The following PALM2AKAP2 variants were observed in gnomAD, a reference collection of about 807,000 sequenced individuals.
PALM2AKAP2 encodes the protein PALM2 and AKAP2 fusion, also known as PALM2-AKAP2 fusion protein.
A neutral mutation model predicts 71.5 loss-of-function variants in PALM2AKAP2; 37 were observed. The ratio of observed to expected loss-of-function variants is 0.52; its 90% CI spans 0.40 to 0.68. The LOEUF (loss-of-function observed/expected upper bound fraction) is 0.68. PALM2AKAP2 is among the 30% of genes least tolerant of loss of function. The probability of loss-of-function intolerance (pLI) is 0.00; values close to 1 mark genes in which losing one functional copy is unlikely to be tolerated. For synonymous variants in PALM2AKAP2, 468 were observed against 478.8 expected (o/e 0.98, Z 0.29); for missense variants, 1,224 against 1,191.8 (o/e 1.03, Z -0.40).
chr9:109,753,970 T>A (rs1241788114), intron 1 of PALM2AKAP2, among the ~76,000 whole-genome samples: 1 of 152,182 alleles, frequency 6.6e-6, no homozygotes, highest in African/African-American at 2.4e-5. Context: ...ATAACTACTG[T>A]CAACACCTTG....
chr9:110,168,397 A>G lies in PALM2AKAP2; in HGVS notation c.2749-2A>G. On this transcript the variant is annotated splice_acceptor_variant, in intron 3 of 3. Transcript: ENST00000374525. LOFTEE classifies it high-confidence loss of function. ...GCATAATTTTTTCCCCTCTCTTTAC[A>G]GGTCCTCGAGGCCACACGGGTTAAT... 6.2e-7 allele frequency: 1 copy of G among 1,613,846 alleles called. No homozygotes were observed.
intron 2 of PALM2AKAP2, among the ~76,000 whole-genome samples, chr9:110,152,106 G>A (rs531277747): frequency 6.6e-6 from 1 of 152,192 alleles, no homozygotes; most frequent in East Asian, 1.9e-4. Context: ...GCATAGTGGT[G>A]GGTGCCTGTA....
chr9:110,025,778 C>T (rs1177256680), intron 7 of PALM2AKAP2, among the ~76,000 whole-genome samples: 2 of 152,208 alleles, frequency 1.3e-5, no homozygotes, highest in Non-Finnish European at 2.9e-5. Context: ...TTGCATTCTC[C>T]TGGTGGCTAA....
chr9:110,000,006 AT>A (rs549899868), intron 6 of PALM2AKAP2, among the ~76,000 whole-genome samples: 7 of 131,938 alleles, frequency 5.3e-5, no homozygotes, highest in South Asian at 2.4e-4. Context: ...ATTTTTCTCT[AT>A]TTTTTTTCTT....
chr9:109,836,408 A>T (rs149910158), intron 1 of PALM2AKAP2, among the ~76,000 whole-genome samples: 117 of 152,350 alleles, frequency 7.7e-4, no homozygotes, highest in Middle Eastern at 3.4e-3. Context: ...CCAGAGGTAG[A>T]TAAAACCACA....
intron 6 of PALM2AKAP2, among the ~76,000 whole-genome samples, chr9:110,005,279 G>T (rs920998243): frequency 1.3e-5 from 2 of 152,216 alleles, no homozygotes; most frequent in East Asian, 1.9e-4. Context: ...GTTGGAGTTT[G>T]GTGAAAGTCC....
At chr9:110,042,741 T>C (rs1188394042) in intron 7 of PALM2AKAP2, among the ~76,000 whole-genome samples, 1 of 152,240 alleles carries the variant, frequency 6.6e-6, no homozygotes, top group Non-Finnish European at 1.5e-5. Context: ...TTAGTTCTCC[T>C]AGACTCTTGT....
intron 1 of PALM2AKAP2, among the ~76,000 whole-genome samples, chr9:109,863,696 G>A (rs551579070): frequency 2.4e-4 from 36 of 152,310 alleles, no homozygotes; most frequent in African/African-American, 7.7e-4. Flanking sequence ...GTTCCTTAAT[G>A]GTGTCCTATG....
intron 7 of PALM2AKAP2, among the ~76,000 whole-genome samples, chr9:110,020,177 A>T (rs1295494386): frequency 1.3e-5 from 2 of 152,254 alleles, no homozygotes; most frequent in Non-Finnish European, 2.9e-5. Context: ...ATCAGCAGAA[A>T]TTACAAAGAT....
At chr9:110,128,067 G>T (rs1029943423) in intron 1 of PALM2AKAP2, 8 of 152,292 alleles carry the variant, frequency 5.3e-5, no homozygotes, top group Admixed American at 5.2e-4. Flanking sequence ...GGTTCCCTCG[G>T]TTTGGGGAGT....
intron 1 of PALM2AKAP2, among the ~76,000 whole-genome samples, chr9:109,764,027 C>G (rs898570803): frequency 2.0e-5 from 3 of 152,148 alleles, no homozygotes; most frequent in Admixed American, 6.5e-5. Flanking sequence ...AGGACTTGGA[C>G]AGATCTTTTG....
At chr9:110,144,725 A>G (rs562963640) in intron 2 of PALM2AKAP2, among the ~76,000 whole-genome samples, 5 of 152,362 alleles carry the variant, frequency 3.3e-5, no homozygotes, top group African/African-American at 9.6e-5. Context: ...GTGGGTAAAG[A>G]CTAGGAGACC....
chr9:109,699,384 T>C (rs1240008850), intron 1 of PALM2AKAP2, among the ~76,000 whole-genome samples: 3 of 152,238 alleles, frequency 2.0e-5, no homozygotes, highest in African/African-American at 7.2e-5. Flanking sequence ...ATTCCACTTT[T>C]CAGAATTTTA....
intron 6 of PALM2AKAP2, among the ~76,000 whole-genome samples, chr9:109,985,867 C>G (rs1832367858): frequency 6.6e-6 from 1 of 152,052 alleles, no homozygotes; most frequent in South Asian, 2.1e-4. Context: ...CCAGGCTGGT[C>G]TTGAACTCCT....
In PALM2AKAP2 at chr9:109,798,975, C is replaced by T. The variant is rs549818687; in HGVS notation, c.45+18442C>T. On this transcript the variant is annotated intron_variant, in intron 1 of 9. Coordinates refer to the PALM2AKAP2 transcript ENST00000302798. ...GCCCTGCTGCCCTCCGTTTCCCCTCCAGGTCACTGTTGTGCGGACCATGCA... is the reference window on the plus strand; with the variant it reads ...GCCCTGCTGCCCTCCGTTTCCCCTCTAGGTCACTGTTGTGCGGACCATGCA... Among the ~76,000 whole-genome samples, 10 of 152,314 alleles carry T rather than the reference C, an allele frequency of 6.6e-5. No homozygotes were observed. In the South Asian group the frequency reaches 1.7e-3, roughly 25 times the overall value.
chr9:109,782,663 T>C (rs1227123866), intron 1 of PALM2AKAP2, among the ~76,000 whole-genome samples: 1 of 149,912 alleles, frequency 6.7e-6, no homozygotes, highest in East Asian at 2.0e-4. Flanking sequence ...TCCAAGGGGG[T>C]CCTGAAACCA....
At chr9:110,018,284 G>A (rs1833017084) in intron 7 of PALM2AKAP2, among the ~76,000 whole-genome samples, 1 of 152,080 alleles carries the variant, frequency 6.6e-6, no homozygotes. Flanking sequence ...CTCATTCTGA[G>A]GAATAAATAC....
At chr9:110,144,319 A>G (rs1278560642) in intron 2 of PALM2AKAP2, among the ~76,000 whole-genome samples, 1 of 152,210 alleles carries the variant, frequency 6.6e-6, no homozygotes, top group Non-Finnish European at 1.5e-5. Flanking sequence ...AGCTAGCTAA[A>G]GCTTATTGTG....
intron 6 of PALM2AKAP2, among the ~76,000 whole-genome samples, chr9:109,995,118 G>T (rs1325175170): frequency 1.3e-5 from 2 of 152,102 alleles, no homozygotes; most frequent in African/African-American, 4.8e-5. Context: ...TTCCTAAATG[G>T]CTGGGTGAGC....
Sources: gnomAD v4.1 joint callset for allele counts (sites outside exome capture counted in the v4.1 genomes callset) on GRCh38, gnomAD v4.1.1 for gene constraint, MANE v1.5 for transcripts, NCBI Gene and HGNC (gene_info 2026-07-23, HGNC 2026-07-21) for gene names.